LRPPRC: variants seen among roughly 807,000 people sequenced by gnomAD.
LRPPRC encodes the protein leucine rich pentatricopeptide repeat containing, also known as leucine-rich PPR motif-containing protein, mitochondrial.
Under a neutral mutation model 180.3 loss-of-function variants are expected in LRPPRC, and 120 were observed. The ratio of observed to expected loss-of-function variants is 0.67; its 90% confidence interval spans 0.57 to 0.77. The LOEUF (loss-of-function observed/expected upper bound fraction) is 0.77. Ranked by LOEUF, LRPPRC falls within the 30% of genes least tolerant of loss-of-function variation. LRPPRC has a pLI of 0.00. For synonymous variants in LRPPRC, 723 were observed against 600.0 expected (o/e 1.21, Z -3.00); for missense variants, 2,012 against 1,657.2 (o/e 1.21, Z -3.72).
chr2:43,910,307 T>C, intron 30 of LRPPRC, among the ~76,000 whole-genome samples: 1 of 151,664 alleles, frequency 6.6e-6, no homozygotes, highest in Non-Finnish European at 1.5e-5. Flanking sequence ...GATCTTGGGC[T>C]CACTGCAACC....
At chr2:43,934,543 A>T (rs571861833) in intron 24 of LRPPRC, among the ~76,000 whole-genome samples, 1 of 152,244 alleles carries the variant, frequency 6.6e-6, no homozygotes, top group Non-Finnish European at 1.5e-5. Flanking sequence ...CACAAAAATA[A>T]CAGACATTTT....
chr2:43,898,656 CCA>C (rs1670775895), intron 34 of LRPPRC, among the ~76,000 whole-genome samples: 2 of 152,124 alleles, frequency 1.3e-5, no homozygotes, highest in Non-Finnish European at 2.9e-5. Flanking sequence ...AGAGTGCGGG[CCA>C]CAGAGACCTG....
intron 5 of LRPPRC, 23 bp from the exon 6 acceptor site, chr2:43,976,252 C>G (rs1387793372): frequency 7.6e-7 from 1 of 1,315,666 alleles, no homozygotes. Flanking sequence ...AACGAAGATA[C>G]TCATTGAAAG....
intron 14 of LRPPRC, among the ~76,000 whole-genome samples, chr2:43,951,108 C>T (rs1441856319): frequency 1.3e-5 from 2 of 152,186 alleles, no homozygotes; most frequent in Admixed American, 6.5e-5. Flanking sequence ...ATGGGAAAAA[C>T]AGTTACTACA....
intron 13 of LRPPRC, among the ~76,000 whole-genome samples, chr2:43,959,651 T>C (rs989930057): frequency 3.9e-5 from 6 of 152,186 alleles, no homozygotes; most frequent in Non-Finnish European, 8.8e-5. Flanking sequence ...ACACCTGTAA[T>C]CCCAGCACTT....
At chr2:43,893,857 T>A (rs2104978100) in intron 36 of LRPPRC, among the ~76,000 whole-genome samples, 1 of 152,290 alleles carries the variant, frequency 6.6e-6, no homozygotes, top group South Asian at 2.1e-4. Flanking sequence ...TCTGTTGTCC[T>A]CCCATAGATA....
At chr2:43,926,733 C>T (rs1671893159) in intron 25 of LRPPRC, among the ~76,000 whole-genome samples, 1 of 152,170 alleles carries the variant, frequency 6.6e-6, no homozygotes. Context: ...TTCCAATAGA[C>T]TCAGGAGACA....
chr2:43,950,122 G>C (rs745521069), intron 15 of LRPPRC, among the ~76,000 whole-genome samples: 1 of 151,946 alleles, frequency 6.6e-6, no homozygotes, highest in Non-Finnish European at 1.5e-5. Context: ...ACATTTTTTA[G>C]ATATTTAATA....
rs765813800 is a variant in LRPPRC at position 43,901,478 on chromosome 2, A to G, written c.3411T>C (p.Pro1137=). The part of the protein sequence containing the change: ...LKTVLDQQQT[P]SRLAVTRVIQ... ...TGACACGGGTCACTGCTAACCTAGA[A>G]GGGGTCTGCTGCTGATCCAATACTG... The change falls in exon 32 of 38, where the codon CCT becomes CCC. Residue 1137 remains proline (P), a synonymous_variant. Transcript: ENST00000260665. The G allele has an allele frequency of 5.6e-6, 9 of 1,613,956 alleles. No homozygotes were observed. The Admixed American group carries it at 1.3e-4, about 24-fold the overall frequency.
chr2:43,910,472 G>A (rs1671217077), intron 30 of LRPPRC, among the ~76,000 whole-genome samples: 1 of 152,006 alleles, frequency 6.6e-6, no homozygotes, highest in Non-Finnish European at 1.5e-5. Context: ...TGACCTCAAG[G>A]GATCCTTCCG....
At position 43,974,638 on chromosome 2, in the gene LRPPRC, T is replaced by G. The variant is rs759575362; in HGVS notation, c.985A>C (p.Thr329Pro). Residue 329 changes from threonine to proline, a missense_variant, in exon 8 of 38, where the codon ACA becomes CCA. Physicochemically the swap from Thr to Pro is conservative, Grantham distance 38 (BLOSUM62 -1). Transcript: ENST00000260665. ...CCTGGAATATATCTTCTTTCACATG[T>G]AACTTTTTCCAAAATTTCTGAGACA... ...QYVSEILEKV[T>P]CERRYIPDAM... is the part of the protein sequence containing the mutation. 3.1e-6 allele frequency: 5 copies of G among 1,602,690 alleles called. No individual in the cohort carries two copies. In the South Asian group the frequency reaches 5.5e-5, roughly 18 times the overall value.
In LRPPRC at chr2:43,976,134, G is replaced by A. The variant is rs574601528; in HGVS notation, c.737+9C>T. 2 of 1,570,932 alleles carry A rather than the reference G, an allele frequency of 1.3e-6. No homozygotes were observed. The highest frequency in any genetic ancestry group is 2.2e-5 in the South Asian group (2 of 90,160). ...CACTTAAGAACCAAAACCTTAGGTT[G>A]AACATTACCCAGCTCTGGCATGCCC... On this transcript the variant is annotated intron_variant, in intron 6 of 37. Coordinates refer to ENST00000260665, the MANE Select transcript of LRPPRC (RefSeq NM_133259.4).
chr2:43,975,879 G>A (rs1282111998), intron 6 of LRPPRC, among the ~76,000 whole-genome samples: 3 of 152,062 alleles, frequency 2.0e-5, no homozygotes, highest in Non-Finnish European at 2.9e-5. Context: ...CACCACGCCC[G>A]GCTTCAAGCC....
At chr2:43,965,863 T>G (rs905769407) in intron 11 of LRPPRC, among the ~76,000 whole-genome samples, 4 of 152,156 alleles carry the variant, frequency 2.6e-5, no homozygotes, top group African/African-American at 9.6e-5. Context: ...TCAAAAGCGA[T>G]TAGACAGTGG....
intron 1 of LRPPRC, among the ~76,000 whole-genome samples, chr2:43,983,641 A>C (rs1331876848): frequency 6.6e-6 from 1 of 152,160 alleles, no homozygotes; most frequent in Non-Finnish European, 1.5e-5. Flanking sequence ...ATTATACACT[A>C]TATAACAACT....
rs541678070 is a variant in LRPPRC, at chr2:43,889,661, T to C, written c.4128+73A>G. On this transcript the variant is annotated intron_variant, in intron 37 of 37. Transcript: ENST00000260665. ...TCATGTAATTAAGTCTTCAACTTAT[T>C]TTCTTACACATTGTTATGAAGTGCA... 1.6e-5 allele frequency: 20 copies of C among 1,217,754 alleles called. No individual in the cohort carries two copies. The African/African-American group carries it at 2.7e-4, about 16-fold the overall frequency. 75.4% of individuals were successfully genotyped at this position (1,217,754 alleles called of 1,614,324 possible). A position where few individuals can be genotyped will look rare whatever the true frequency, so the allele number is the denominator to read the frequency against.
intron 9 of LRPPRC, 34 bp from the exon 10 acceptor site, chr2:43,973,934 G>T: frequency 7.7e-7 from 1 of 1,295,544 alleles, no homozygotes; most frequent in Non-Finnish European, 1.1e-6. Context: ...TAGCTGGATT[G>T]GCAAACACCC....
At chr2:43,922,582 A>C (rs1671736114) in intron 27 of LRPPRC, among the ~76,000 whole-genome samples, 2 of 152,190 alleles carry the variant, frequency 1.3e-5, no homozygotes, top group Non-Finnish European at 2.9e-5. Flanking sequence ...ACACAGTGAA[A>C]ACCTGTCTCT....
chr2:43,980,553 CAAAAAAAAAAAA>C (rs145131663), intron 2 of LRPPRC, among the ~76,000 whole-genome samples: 1 of 85,080 alleles, frequency 1.2e-5, no homozygotes, highest in South Asian at 4.1e-4. Context: ...GACTCTGTTT[CAAAAAAAAAAAA>C]AAAAAGAAGA....
Sources: gnomAD v4.1 joint callset for allele counts (sites outside exome capture counted in the v4.1 genomes callset) on GRCh38, gnomAD v4.1.1 for gene constraint, MANE v1.5 for transcripts, NCBI Gene and HGNC (gene_info 2026-07-23, HGNC 2026-07-21) for gene names.